Variants in ANKRD50 observed in about 807,000 individuals in gnomAD.
ANKRD50 encodes the protein ankyrin repeat domain-containing protein 50.
In ANKRD50, 40 loss-of-function variants were observed where a neutral mutation model predicts 112.0. That is an observed-to-expected ratio of 0.36 (90% CI 0.28 to 0.46). ANKRD50 has a LOEUF of 0.46. Among genes scored for constraint, ANKRD50 ranks in the 20% least tolerant of loss-of-function variants. The pLI, the probability that ANKRD50 is intolerant of heterozygous loss-of-function variation, is 1.00. For missense variants in ANKRD50, 1,487 were observed against 1,701.7 expected (o/e 0.87, Z 2.22); for synonymous variants, 613 against 619.1 (o/e 0.99, Z 0.15).
intron 2 of ANKRD50, among the ~76,000 whole-genome samples, chr4:124,701,579 A>C (rs1032909655): frequency 2.0e-5 from 3 of 152,230 alleles, no homozygotes; most frequent in Non-Finnish European, 4.4e-5. Context: ...AGGTTAGCAT[A>C]ATAGATACAG....
rs1240735389 is a variant in ANKRD50 at position 124,665,958 on chromosome 4, TTTG to T, written c.*1557_*1559del. The T allele has an allele frequency of 2.0e-5, 3 of 152,094 alleles. No homozygotes were observed. The highest frequency in any genetic ancestry group is 7.2e-5 in the African/African-American group (3 of 41,442). The allele number at this position is 152,094 out of a possible 1,614,324, so 9.4% of individuals were successfully genotyped here. ...ATATATGAAGATGACATTACTGACC[TTTG>T]TTATTAGGACATATTCTAAAGATTT... On this transcript the variant is annotated 3_prime_UTR_variant, in exon 5 of 5. Transcript: ENST00000504087.
chr4:124,707,883 T>C (rs1271871179), intron 2 of ANKRD50, among the ~76,000 whole-genome samples: 1 of 152,022 alleles, frequency 6.6e-6, no homozygotes, highest in East Asian at 1.9e-4. Context: ...TTCAGGAAAA[T>C]CTATGATACC....
At position 124,679,475 on chromosome 4, in the gene ANKRD50, T is replaced by A. The variant is rs141390498; in HGVS notation, c.513-570A>T. Among the ~76,000 whole-genome samples the A allele has an allele frequency of 8.5e-5, 13 of 152,340 alleles. No individual in the cohort carries two copies. The East Asian group carries it at 1.7e-3, about 20-fold the overall frequency. ...TTTGACATATTTTCAAACTTCAAAG[T>A]AAGAACAAAGTATTAGGCTTTACTC... On this transcript the variant is annotated intron_variant, in intron 2 of 4. Transcript: ENST00000504087.
At chr4:124,708,443 A>G (rs1014159751) in intron 2 of ANKRD50, among the ~76,000 whole-genome samples, 1 of 152,158 alleles carries the variant, frequency 6.6e-6, no homozygotes, top group African/African-American at 2.4e-5. Context: ...GTCTACAAGA[A>G]TATCACACCT....
chr4:124,692,866 C>T (rs1725169096), intron 2 of ANKRD50, among the ~76,000 whole-genome samples: 1 of 152,170 alleles, frequency 6.6e-6, no homozygotes, highest in Non-Finnish European at 1.5e-5. Context: ...GACTAAGACA[C>T]AAACTGACAT....
chr4:124,702,629 A>T (rs1473986057), intron 2 of ANKRD50, among the ~76,000 whole-genome samples: 1 of 152,170 alleles, frequency 6.6e-6, no homozygotes, highest in Admixed American at 6.5e-5. Flanking sequence ...ATAATTATAG[A>T]ACCTAGATAA....
chr4:124,699,059 C>T (rs923944939), intron 2 of ANKRD50, among the ~76,000 whole-genome samples: 2 of 152,030 alleles, frequency 1.3e-5, no homozygotes, highest in East Asian at 1.9e-4. Flanking sequence ...GTAACAATTA[C>T]GTGTGTATAC....
chr4:124,679,310 A>G (rs1362029239), intron 2 of ANKRD50, among the ~76,000 whole-genome samples: 1 of 152,188 alleles, frequency 6.6e-6, no homozygotes, highest in Admixed American at 6.5e-5. Context: ...ACCTTAATAA[A>G]AAGCAAAATA....
At chr4:124,677,182 T>C (rs1730792277) in intron 3 of ANKRD50, among the ~76,000 whole-genome samples, 1 of 151,796 alleles carries the variant, frequency 6.6e-6, no homozygotes, top group Admixed American at 6.6e-5. Flanking sequence ...CATGTTTATA[T>C]ACAGCCCAAC....
At chr4:124,702,965 T>G (rs1725423417) in intron 2 of ANKRD50, among the ~76,000 whole-genome samples, 2 of 152,018 alleles carry the variant, frequency 1.3e-5, no homozygotes, top group South Asian at 4.1e-4. Flanking sequence ...GGATACATAT[T>G]GATCAGAATG....
intron 2 of ANKRD50, among the ~76,000 whole-genome samples, chr4:124,682,611 C>T (rs994815588): frequency 6.6e-6 from 1 of 151,970 alleles, no homozygotes; most frequent in Admixed American, 6.6e-5. Flanking sequence ...AAGTAACTGG[C>T]CCCTGTATCA....
Position 124,712,469 on chromosome 4 carries a change from C to T in ANKRD50, c.-775G>A. 6.4e-6 allele frequency: 1 copy of T among 156,914 alleles called. No homozygotes were observed. The highest frequency in any genetic ancestry group is 1.4e-5 in the Non-Finnish European group (1 of 71,642). The allele number at this position is 156,914 out of a possible 1,614,324, so 9.7% of individuals were successfully genotyped here. On this transcript the variant is annotated 5_prime_UTR_variant, in exon 1 of 5. Coordinates refer to ENST00000504087, the MANE Select transcript of ANKRD50 (RefSeq NM_020337.3). ...CGCCCCCCGGTTACCTCGGCCCCAGCCGCCGCCGTGGCCGCCGCTGCCGCT... is the reference window on the plus strand; with the variant it reads ...CGCCCCCCGGTTACCTCGGCCCCAGTCGCCGCCGTGGCCGCCGCTGCCGCT...
chr4:124,668,996 T>G lies in ANKRD50; in HGVS notation c.4281A>C (p.Thr1427=), dbSNP rs777272082. The G allele has an allele frequency of 1.2e-6, 2 of 1,602,274 alleles. No individual in the cohort carries two copies. ...GACAAAATATTACCTTTTATAATGGTGTTTCCTTTTTATAGTTGAAGCTAG... is the reference window on the plus strand; with the variant it reads ...GACAAAATATTACCTTTTATAATGGGGTTTCCTTTTTATAGTTGAAGCTAG... ...SDPSFNYKKE[T]PL The change falls in exon 4 of 5, where the codon ACA becomes ACC. Residue 1427 remains threonine (T), a synonymous_variant. Coordinates refer to ENST00000504087, the MANE Select transcript of ANKRD50 (RefSeq NM_020337.3).
chr4:124,687,107 T>C (rs973129587), intron 2 of ANKRD50, among the ~76,000 whole-genome samples: 1 of 152,174 alleles, frequency 6.6e-6, no homozygotes, highest in Non-Finnish European at 1.5e-5. Flanking sequence ...AATTTTAAGA[T>C]TTACTATTAA....
intron 2 of ANKRD50, among the ~76,000 whole-genome samples, chr4:124,695,657 T>C (rs1725235240): frequency 1.3e-5 from 2 of 152,184 alleles, no homozygotes; most frequent in East Asian, 1.9e-4. Flanking sequence ...TGCAAGAATT[T>C]GAAGGTATAA....
chr4:124,692,440 T>A (rs538496507), intron 2 of ANKRD50, among the ~76,000 whole-genome samples: 1 of 152,294 alleles, frequency 6.6e-6, no homozygotes. Flanking sequence ...TAAATACATA[T>A]GTAATGTATG....
At chr4:124,681,603 A>G (rs1396066565) in intron 2 of ANKRD50, among the ~76,000 whole-genome samples, 1 of 152,238 alleles carries the variant, frequency 6.6e-6, no homozygotes, top group African/African-American at 2.4e-5. Flanking sequence ...ATTATAAATT[A>G]GTAGCAGTGG....
At chr4:124,679,894 C>T (rs1459279003) in intron 2 of ANKRD50, among the ~76,000 whole-genome samples, 1 of 152,194 alleles carries the variant, frequency 6.6e-6, no homozygotes, top group Non-Finnish European at 1.5e-5. Flanking sequence ...AACAGCTCAC[C>T]TCCTGTGAGT....
intron 2 of ANKRD50, among the ~76,000 whole-genome samples, chr4:124,691,349 G>A (rs1472583345): frequency 6.7e-6 from 1 of 150,114 alleles, no homozygotes; most frequent in South Asian, 2.1e-4. Context: ...AAAATTAGCC[G>A]GGCGCGGTGG....
Sources: allele counts gnomAD v4.1 joint callset (sites outside exome capture counted in the v4.1 genomes callset), GRCh38; gene constraint gnomAD v4.1.1; transcripts MANE v1.5; gene names NCBI Gene and HGNC (gene_info 2026-07-23, HGNC 2026-07-21).